Variants in NPHS1 observed in about 807,000 individuals in gnomAD.
NPHS1 encodes the protein NPHS1 adhesion molecule, nephrin, also known as nephrin.
A neutral mutation model predicts 139.7 loss-of-function variants in NPHS1; 107 were observed. The observed-to-expected ratio is 0.77, with a 90% CI of 0.66 to 0.90. The LOEUF is 0.90. NPHS1 is among the 40% of genes least tolerant of loss of function. NPHS1 has a pLI of 0.00. For missense variants in NPHS1, 1,580 were observed against 1,654.2 expected (o/e 0.96, Z 0.78); for synonymous variants, 707 against 706.6 (o/e 1.00, Z -0.01).
chr19:35,836,511 G>C (rs571191272), intron 22 of NPHS1, among the ~76,000 whole-genome samples: 55 of 152,092 alleles, frequency 3.6e-4, no homozygotes, highest in African/African-American at 1.3e-3. Context: ...AAAAGACTTT[G>C]GGCTCTCGAT....
At chr19:35,849,438 A>G in intron 6 of NPHS1, 75 bp from the exon 7 acceptor site, 1 of 1,597,122 alleles carries the variant, frequency 6.3e-7, no homozygotes, top group Non-Finnish European at 8.5e-7. Flanking sequence ...CTGCCTTTGA[A>G]CCCCCATGTT....
chr19:35,835,794 A>G (rs1301113796), intron 22 of NPHS1, 33 bp from the exon 23 acceptor site: 1 of 1,584,808 alleles, frequency 6.3e-7, no homozygotes, highest in Admixed American at 1.7e-5. Context: ...GTGACTTAAC[A>G]CTAAGAATCT....
rs1429179334 is a variant in NPHS1 at position 35,844,399 on chromosome 19, G to A, written c.1991C>T (p.Ala664Val). 6.2e-7 allele frequency: 1 copy of A among 1,609,938 alleles called. No homozygotes were observed. ...AGCGGACACGGACACGGGCAGCAAC[G>A]CCTCGCCCTGCTCCACCGCGGTCAC... ...LVVTAVEQGE[A>V]LLPVSVSANP... The change falls in exon 15 of 29, where the codon GCG becomes GTG. Residue 664 changes from alanine to valine, a missense_variant. Physicochemically the swap from Ala to Val is moderately conservative, Grantham distance 64. Coordinates refer to ENST00000378910, the MANE Select transcript of NPHS1 (RefSeq NM_004646.4).
In NPHS1 at chr19:35,848,766, T is replaced by A. The variant is rs1441846577; in HGVS notation, c.1041A>T (p.Gly347=). The change falls in exon 9 of 29, where the codon GGA becomes GGT. Residue 347 remains glycine (G), a synonymous_variant. Coordinates refer to ENST00000378910, the MANE Select transcript of NPHS1 (RefSeq NM_004646.4). Reference sequence around the variant, plus strand: ...TCTTGTTCTCAGTCTGGGATGCAGATCCCAAGATAATAATGGCACTAGGGG... The same window carrying A: ...TCTTGTTCTCAGTCTGGGATGCAGAACCCAAGATAATAATGGCACTAGGGG... ...TFPPSAIIIL[G]SASQTENKNV... 1 of 1,614,068 alleles carries A rather than the reference T, an allele frequency of 6.2e-7. No individual in the cohort carries two copies. The highest frequency in any genetic ancestry group is 1.7e-5 in the Admixed American group (1 of 60,016).
chr19:35,835,813 C>T, intron 22 of NPHS1, 52 bp from the exon 23 acceptor site: 1 of 1,491,942 alleles, frequency 6.7e-7, no homozygotes, highest in Non-Finnish European at 9.4e-7. Flanking sequence ...CTGAGATAAG[C>T]TTTAAATATT....
intron 17 of NPHS1, 140 bp from the exon 18 acceptor site, chr19:35,842,690 C>T: frequency 1.2e-6 from 1 of 816,344 alleles, no homozygotes; most frequent in Non-Finnish European, 2.0e-6. Flanking sequence ...ATTCTCCTGT[C>T]ATCCATCTAT....
intron 19 of NPHS1, 26 bp from the exon 20 acceptor site, chr19:35,841,892 AC>A (rs1241832716): frequency 6.3e-7 from 1 of 1,588,082 alleles, no homozygotes; most frequent in Admixed American, 1.8e-5. Context: ...GGCACCACTC[AC>A]CCTTCCATTC....
chr19:35,840,369 G>C (rs182002194), intron 20 of NPHS1, among the ~76,000 whole-genome samples: 4 of 141,626 alleles, frequency 2.8e-5, no homozygotes, highest in East Asian at 2.1e-4. Flanking sequence ...GAGTCTCGCT[G>C]TGTCACCCAG....
rs1261358174 is a variant in NPHS1 at position 35,839,429 on chromosome 19, G to A, written c.2928-11C>T. On this transcript the variant is annotated splice_polypyrimidine_tract_variant and intron_variant, in intron 21 of 28. Coordinates refer to ENST00000378910, the MANE Select transcript of NPHS1 (RefSeq NM_004646.4). The stretch of plus-strand genomic sequence containing the variant: ...CCCAGGGCCTCATACCTGCAGGACA[G>A]GGGGATAGTAAATTCAGGGAAGTGC... The A allele has an allele frequency of 1.9e-6, 3 of 1,613,874 alleles. No individual in the cohort carries two copies. The highest frequency in any genetic ancestry group is 8.5e-7 in the Non-Finnish European group (1 of 1,179,874).
chr19:35,840,967 G>A (rs186618827), intron 20 of NPHS1, among the ~76,000 whole-genome samples: 8 of 150,250 alleles, frequency 5.3e-5, no homozygotes, highest in South Asian at 4.3e-4. Flanking sequence ...GAGCCACCAC[G>A]CCTGACTAAT....
At position 35,831,587 on chromosome 19, in the gene NPHS1, C is replaced by G. The variant is rs577119571; in HGVS notation, c.3286+56G>C. 3 of 1,612,040 alleles carry G rather than the reference C, an allele frequency of 1.9e-6. No homozygotes were observed. The East Asian group carries it at 6.7e-5, about 36-fold the overall frequency. On this transcript the variant is annotated intron_variant, in intron 24 of 28. Coordinates refer to ENST00000378910, the MANE Select transcript of NPHS1 (RefSeq NM_004646.4). ...GAAGACCTTCAGTATGCAGCAACCA[C>G]AGGGTTCCCTATCACCCTCGGGTCT...
chr19:35,837,192 G>T (rs1402639687), intron 22 of NPHS1, among the ~76,000 whole-genome samples: 1 of 152,130 alleles, frequency 6.6e-6, no homozygotes, highest in South Asian at 2.1e-4. Context: ...TCTGGACCAG[G>T]CTCTGAAGGA....
chr19:35,831,609 G>A (rs750091635), intron 24 of NPHS1, 34 bp downstream of exon 24: 2 of 1,613,068 alleles, frequency 1.2e-6, no homozygotes, highest in South Asian at 1.1e-5. Flanking sequence ...TCACCCTCGG[G>A]TCTCCACCCT....
At position 35,850,344 on chromosome 19, in the gene NPHS1, G is replaced by T. The variant is rs762358998; in HGVS notation, c.608+20C>A. The stretch of plus-strand genomic sequence containing the variant: ...GGAAAATTAGGGGTCAAGGTTGGGG[G>T]GTTGTTTCAGTTTCCACACCTGGCT... On this transcript the variant is annotated intron_variant, in intron 5 of 28. Transcript: ENST00000378910. The T allele has an allele frequency of 6.2e-7, 1 of 1,604,514 alleles. No individual in the cohort carries two copies. The highest frequency in any genetic ancestry group is 1.1e-5 in the South Asian group (1 of 90,916).
At chr19:35,840,852 C>CA (rs1973046176) in intron 20 of NPHS1, among the ~76,000 whole-genome samples, 1 of 128,392 alleles carries the variant, frequency 7.8e-6, no homozygotes, top group Non-Finnish European at 1.7e-5. Context: ...TCACGCCCGG[C>CA]TTTTTTTTTT....
intron 4 of NPHS1, 85 bp from the exon 5 acceptor site, chr19:35,850,530 G>T: frequency 1.7e-6 from 2 of 1,149,986 alleles, no homozygotes; most frequent in Non-Finnish European, 2.6e-6. Flanking sequence ...CCTCAGGGTG[G>T]GTGCGATGCC....
Position 35,845,363 on chromosome 19 carries a change from CA to C in NPHS1, c.1930+4del, listed in dbSNP as rs1384133690. 1 of 1,614,250 alleles carries C rather than the reference CA, an allele frequency of 6.2e-7. No homozygotes were observed. Among genetic ancestry groups the C allele is most frequent in the Non-Finnish European group, 8.5e-7 (1 of 1,180,044 alleles). On this transcript the variant is annotated splice_donor_region_variant and intron_variant, in intron 14 of 28. Transcript: ENST00000378910. The surrounding 1 kb of genome is among the most constrained non-coding windows in gnomAD (Gnocchi z 5.5). The stretch of plus-strand genomic sequence containing the variant: ...CGAGAGGGGCTTTCAGGCCGGGGCA[CA>C]TACACAGTACGTTGAGGCGATAGAA...
Position 35,826,422 on chromosome 19 carries a change from G to T in NPHS1, c.*92C>A. 2 of 1,499,052 alleles carry T rather than the reference G, an allele frequency of 1.3e-6. No homozygotes were observed. The highest frequency in any genetic ancestry group is 9.3e-7 in the Non-Finnish European group (1 of 1,078,634). 92.9% of individuals were successfully genotyped at this position (1,499,052 alleles called of 1,614,324 possible). On this transcript the variant is annotated 3_prime_UTR_variant, in exon 29 of 29. Coordinates refer to ENST00000378910, the MANE Select transcript of NPHS1 (RefSeq NM_004646.4). ...ACCAAGTCCCTTTGGGTTTTATGGA[G>T]CTCACCTAACCAGCTCGGCCCAGGC... is the stretch of plus-strand genomic sequence containing the variant.
chr19:35,842,555 A>G lies in NPHS1; in HGVS notation c.2335-5T>C. The G allele has an allele frequency of 6.2e-7, 1 of 1,613,962 alleles. No homozygotes were observed. Among genetic ancestry groups the G allele is most frequent in the South Asian group, 1.1e-5 (1 of 91,070 alleles). On this transcript the variant is annotated splice_polypyrimidine_tract_variant and splice_region_variant and intron_variant, in intron 17 of 28. Transcript: ENST00000378910. ...CTGGTCCTCCTCATCTTCTCCCTGG[A>G]GGCCCAAGAGTCCAGAATTGGCCTC... is the stretch of plus-strand genomic sequence containing the variant.
Sources: allele counts gnomAD v4.1 joint callset (sites outside exome capture counted in the v4.1 genomes callset), GRCh38; gene constraint gnomAD v4.1.1; non-coding constraint Gnocchi (gnomAD v3.1); transcripts MANE v1.5; gene names NCBI Gene and HGNC (gene_info 2026-07-23, HGNC 2026-07-21).